Variants in BRD4 observed in about 807,000 individuals in gnomAD.
BRD4 encodes the protein bromodomain containing 4.
A neutral mutation model predicts 142.1 loss-of-function variants in BRD4; 16 were observed. That is an observed-to-expected ratio of 0.11 (90% CI 0.08 to 0.17). The LOEUF (loss-of-function observed/expected upper bound fraction) is 0.17, where lower values mean the gene tolerates loss of function less well. Among genes scored for constraint, BRD4 ranks in the 10% least tolerant of loss-of-function variants. BRD4 has a pLI of 1.00. For synonymous variants in BRD4, 833 were observed against 707.5 expected (o/e 1.18, Z -2.82); for missense variants, 1,424 against 1,810.9 (o/e 0.79, Z 3.88).
chr19:15,290,786 T>C (rs1053451279), intron 1 of BRD4, among the ~76,000 whole-genome samples: 16 of 152,188 alleles, frequency 1.1e-4, no homozygotes, highest in Non-Finnish European at 1.8e-4. Context: ...AACCTAAGTG[T>C]ACCCCCTCTT....
chr19:15,254,405 A>C, intron 10 of BRD4, 143 bp from the exon 11 acceptor site: 1 of 674,410 alleles, frequency 1.5e-6, no homozygotes, highest in East Asian at 2.7e-5. Context: ...CCCAACTGCC[A>C]GCTGCCACTC....
At chr19:15,319,950 A>C (rs1040258787) in intron 1 of BRD4, among the ~76,000 whole-genome samples, 3 of 152,160 alleles carry the variant, frequency 2.0e-5, no homozygotes, top group African/African-American at 7.2e-5. Flanking sequence ...ACAAAACAAA[A>C]CAAAAAAGCC....
At chr19:15,330,721 C>A (rs531949860) in intron 1 of BRD4, among the ~76,000 whole-genome samples, 1 of 152,156 alleles carries the variant, frequency 6.6e-6, no homozygotes, top group Non-Finnish European at 1.5e-5. Context: ...GAGCCGAGAT[C>A]GCGCCACTGC....
chr19:15,285,411 T>C (rs560559860), intron 1 of BRD4, among the ~76,000 whole-genome samples: 1 of 152,222 alleles, frequency 6.6e-6, no homozygotes, highest in East Asian at 1.9e-4. Context: ...CCAGGCTTGG[T>C]GGTGCACGCC....
intron 4 of BRD4, among the ~76,000 whole-genome samples, chr19:15,266,383 T>C (rs1173976034): frequency 6.6e-6 from 1 of 152,208 alleles, no homozygotes; most frequent in East Asian, 1.9e-4. Context: ...AGCACCCATG[T>C]TCCCTGTGCA....
intron 1 of BRD4, among the ~76,000 whole-genome samples, chr19:15,321,620 T>C (rs1568412155): frequency 6.6e-6 from 1 of 152,144 alleles, no homozygotes; most frequent in South Asian, 2.1e-4. Flanking sequence ...TCAACTACTC[T>C]TGAGCCTCAT....
At chr19:15,247,235 A>T in intron 11 of BRD4, 1 of 229,348 alleles carries the variant, frequency 4.4e-6, no homozygotes, top group Non-Finnish European at 8.7e-6. Context: ...GTCAGGGCAG[A>T]GGAGAGGAGT....
chr19:15,260,939 G>C (rs1006494095), intron 7 of BRD4, among the ~76,000 whole-genome samples: 4 of 152,162 alleles, frequency 2.6e-5, no homozygotes, highest in African/African-American at 9.7e-5. Context: ...CACATCAGAG[G>C]GTGCTTTTTC....
intron 1 of BRD4, among the ~76,000 whole-genome samples, chr19:15,290,666 C>A (rs771187485): frequency 3.3e-5 from 5 of 152,160 alleles, no homozygotes; most frequent in Non-Finnish European, 7.3e-5. Flanking sequence ...TCTGGCCAGG[C>A]TGGGACTCTG....
intron 11 of BRD4, chr19:15,248,835 G>A (rs2145537184): frequency 3.4e-6 from 1 of 293,438 alleles, no homozygotes; most frequent in Non-Finnish European, 6.5e-6. Context: ...TGATGTCACT[G>A]CAAGGTTCAG....
chr19:15,295,614 C>T (rs975209091), intron 1 of BRD4, among the ~76,000 whole-genome samples: 1 of 152,210 alleles, frequency 6.6e-6, no homozygotes, highest in Non-Finnish European at 1.5e-5. Flanking sequence ...CAAGTCCGAA[C>T]TAATGTAATA....
In BRD4 at chr19:15,238,576, T is replaced by C. The variant is rs912490638; in HGVS notation, c.4021-131A>G. ...CTGACCCCTCATAGCGCTCACCCCG[T>C]CCACACAGCACTCAGGGCCCTACAG... On this transcript the variant is annotated intron_variant, in intron 19 of 19. Transcript: ENST00000679869. The surrounding 1 kb of genome is among the most constrained non-coding windows in gnomAD (Gnocchi z 7.2). 2.6e-6 allele frequency: 4 copies of C among 1,526,072 alleles called. No homozygotes were observed. Among genetic ancestry groups the C allele is most frequent in the South Asian group, 1.3e-5 (1 of 77,544 alleles). 94.5% of individuals were successfully genotyped at this position (1,526,072 alleles called of 1,614,324 possible).
intron 1 of BRD4, among the ~76,000 whole-genome samples, chr19:15,297,590 C>A (rs557150644): frequency 1.3e-5 from 2 of 152,182 alleles, no homozygotes; most frequent in African/African-American, 2.4e-5. Flanking sequence ...AACTAAGATA[C>A]GCTCTGTATT....
intron 1 of BRD4, among the ~76,000 whole-genome samples, chr19:15,320,565 C>G (rs1164660349): frequency 6.6e-6 from 1 of 152,146 alleles, no homozygotes; most frequent in Non-Finnish European, 1.5e-5. Flanking sequence ...TTTATTTAAA[C>G]TTTATATCTA....
intron 1 of BRD4, among the ~76,000 whole-genome samples, chr19:15,274,597 G>C (rs549249670): frequency 6.3e-4 from 96 of 152,374 alleles, no homozygotes; most frequent in African/African-American, 2.1e-3. Context: ...CAGGCGGCCA[G>C]GGTGCAGAGC....
At chr19:15,289,605 C>T (rs1367142678) in intron 1 of BRD4, among the ~76,000 whole-genome samples, 1 of 151,722 alleles carries the variant, frequency 6.6e-6, no homozygotes, top group Non-Finnish European at 1.5e-5. Context: ...GGTATTACTT[C>T]CCACTCAAAA....
intron 1 of BRD4, among the ~76,000 whole-genome samples, chr19:15,297,014 C>G (rs2047828601): frequency 6.6e-6 from 1 of 152,224 alleles, no homozygotes; most frequent in African/African-American, 2.4e-5. Context: ...GCAGGCACCT[C>G]AGCCCCAGGT....
intron 1 of BRD4, among the ~76,000 whole-genome samples, chr19:15,322,264 T>G (rs989831646): frequency 1.3e-5 from 2 of 152,106 alleles, no homozygotes; most frequent in East Asian, 1.9e-4. Flanking sequence ...CCCATGGTTT[T>G]GTTTTGTTTT....
intron 9 of BRD4, 108 bp downstream of exon 9, chr19:15,255,956 G>T (rs1329982003): frequency 1.4e-6 from 2 of 1,424,748 alleles, no homozygotes; most frequent in African/African-American, 1.4e-5. Flanking sequence ...GCTGCAGAGG[G>T]GCAGCCTCCG....
Sources: gnomAD v4.1 joint callset for allele counts (sites outside exome capture counted in the v4.1 genomes callset) on GRCh38, gnomAD v4.1.1 for gene constraint, Gnocchi (gnomAD v3.1) non-coding constraint, MANE v1.5 for transcripts, NCBI Gene and HGNC (gene_info 2026-07-23, HGNC 2026-07-21) for gene names.